The following C12orf42 variants were observed in gnomAD, a reference collection of about 807,000 sequenced individuals.
C12orf42 encodes chromosome 12 open reading frame 42.
Under a neutral mutation model 21.6 loss-of-function variants are expected in C12orf42, and 25 were observed. The ratio of observed to expected loss-of-function variants is 1.16; its 90% CI spans 0.84 to 1.62. The LOEUF (loss-of-function observed/expected upper bound fraction) is 1.62. Among genes scored for constraint, C12orf42 ranks in the 40% most tolerant of loss-of-function variants. C12orf42 has a pLI of 0.00. For missense variants in C12orf42, 483 were observed against 459.3 expected, an observed-to-expected ratio of 1.05 and a Z score of -0.47; for synonymous variants, 174 against 175.0, an observed-to-expected ratio of 0.99 and a Z score of 0.05.
At chr12:103,292,619 G>A (rs932100109) in intron 4 of C12orf42, among the ~76,000 whole-genome samples, 1 of 151,930 alleles carries the variant, frequency 6.6e-6, no homozygotes. Flanking sequence ...ACACCACTTG[G>A]TGATGTTACT....
the C12orf42 span, among the ~76,000 whole-genome samples, chr12:103,522,621 C>A: frequency 6.6e-6 from 1 of 152,138 alleles, no homozygotes; most frequent in African/African-American, 2.4e-5. Flanking sequence ...TTTTAGAATG[C>A]CCCCCTCTTT....
the C12orf42 span, among the ~76,000 whole-genome samples, chr12:103,563,305 C>G: frequency 6.6e-6 from 1 of 152,154 alleles, no homozygotes; most frequent in South Asian, 2.1e-4. Context: ...TTGTCAATTA[C>G]CATGATATGC....
rs780653238 is a variant in C12orf42 at position 103,306,300 on chromosome 12, A to G, written c.305T>C (p.Leu102Pro). The G allele has an allele frequency of 1.2e-6, 2 of 1,613,172 alleles. No homozygotes were observed. Among genetic ancestry groups the G allele is most frequent in the South Asian group, 1.1e-5 (1 of 90,906 alleles). The part of the protein sequence containing the change: ...TQNSMACKRL[L>P]HTCQYIVPRC... ...GGGGACTATGTACTGGCAAGTATGA[A>G]GTAGTCTTTTACACGCCATTGAATT... Residue 102 changes from leucine (L) to proline (P), a missense_variant, in exon 5 of 6, where the codon CTT (leucine) becomes CCT (proline). Transcript: ENST00000548883.
intron 4 of C12orf42, among the ~76,000 whole-genome samples, chr12:103,341,197 T>G (rs2042142577): frequency 2.0e-5 from 3 of 150,836 alleles, no homozygotes; most frequent in Admixed American, 6.6e-5. Flanking sequence ...TTTAAAAAAT[T>G]TAAAAATATT....
the C12orf42 span, among the ~76,000 whole-genome samples, chr12:103,056,667 TTGAG>T: frequency 1.4e-4 from 22 of 152,158 alleles, no homozygotes; most frequent in South Asian, 4.1e-4. Context: ...TCTGTTCTGA[TTGAG>T]TGTTTTTTAT....
intron 2 of C12orf42, among the ~76,000 whole-genome samples, chr12:103,439,951 A>T (rs1483957208): frequency 2.7e-5 from 4 of 150,052 alleles, no homozygotes; most frequent in Admixed American, 6.7e-5. Context: ...ATAAAGACAC[A>T]TGCACACGTA....
chr12:103,146,612 A>AAAGAAAGAAAGAAAGAAAG, the C12orf42 span, among the ~76,000 whole-genome samples: 11 of 116,798 alleles, frequency 9.4e-5, no homozygotes, highest in South Asian at 3.0e-4. Flanking sequence ...AAGAAAGAAA[A>AAAGAAAGAAAGAAAGAAAG]AGAAAAGTAA....
intron 5 of C12orf42, among the ~76,000 whole-genome samples, chr12:103,272,601 ACCT>A (rs1216926840): frequency 6.6e-6 from 1 of 152,180 alleles, no homozygotes; most frequent in African/African-American, 2.4e-5. Flanking sequence ...TCCCTCTGAC[ACCT>A]GATACAGAGA....
the C12orf42 span, among the ~76,000 whole-genome samples, chr12:103,053,256 C>T: frequency 2.0e-5 from 3 of 151,734 alleles, no homozygotes; most frequent in Non-Finnish European, 2.9e-5. Flanking sequence ...ATGCAGTTTT[C>T]CCCAGTGATA....
the C12orf42 span, chr12:103,164,663 C>T: frequency 1.1e-5 from 5 of 448,456 alleles, no homozygotes; most frequent in Non-Finnish European, 2.2e-5. Context: ...GTCTGTGTTA[C>T]TTTTGTAAAC....
chr12:103,373,303 G>A (rs1425606153), intron 3 of C12orf42, among the ~76,000 whole-genome samples: 2 of 152,138 alleles, frequency 1.3e-5, no homozygotes, highest in East Asian at 3.8e-4. Context: ...AATGCCAAGT[G>A]GCCTCGTGTG....
chr12:103,447,480 C>T (rs1321155197), intron 2 of C12orf42, among the ~76,000 whole-genome samples: 5 of 151,892 alleles, frequency 3.3e-5, no homozygotes, highest in Non-Finnish European at 7.4e-5. Context: ...GGCATCCAAA[C>T]TGGTAAAAAG....
At chr12:103,563,389 C>G in the C12orf42 span, among the ~76,000 whole-genome samples, 2 of 152,182 alleles carry the variant, frequency 1.3e-5, no homozygotes, top group African/African-American at 4.8e-5. Flanking sequence ...GCACAATAAA[C>G]AAGCCTAGCA....
intron 4 of C12orf42, among the ~76,000 whole-genome samples, chr12:103,324,863 C>T (rs1400076030): frequency 6.6e-6 from 1 of 152,134 alleles, no homozygotes; most frequent in Non-Finnish European, 1.5e-5. Context: ...ATTCCAATGA[C>T]CTAACATGGA....
chr12:103,087,846 T>C, the C12orf42 span, among the ~76,000 whole-genome samples: 1 of 152,256 alleles, frequency 6.6e-6, no homozygotes, highest in Non-Finnish European at 1.5e-5. Flanking sequence ...GTTTAATGGA[T>C]AGTCTCAAAT....
chr12:103,294,598 AAG>A (rs1419862898), intron 4 of C12orf42, among the ~76,000 whole-genome samples: 1 of 138,936 alleles, frequency 7.2e-6, no homozygotes, highest in Non-Finnish European at 1.5e-5. Flanking sequence ...GAAAGAAAGA[AAG>A]AAAGAAAGAA....
chr12:103,145,303 A>G, the C12orf42 span, among the ~76,000 whole-genome samples: 1 of 152,304 alleles, frequency 6.6e-6, no homozygotes, highest in South Asian at 2.1e-4. Context: ...TTCTAGTTCC[A>G]GTTCCAGTTC....
At chr12:103,287,526 A>G (rs1459488900) in intron 4 of C12orf42, among the ~76,000 whole-genome samples, 1 of 152,064 alleles carries the variant, frequency 6.6e-6, no homozygotes, top group Non-Finnish European at 1.5e-5. Context: ...GGACACAGGA[A>G]GGGGAACATC....
chr12:103,119,424 A>G, the C12orf42 span, among the ~76,000 whole-genome samples: 4 of 152,174 alleles, frequency 2.6e-5, no homozygotes, highest in East Asian at 7.7e-4. Context: ...GAGTTGGAGC[A>G]CATCCACTAA....
Sources: gnomAD v4.1 joint callset for allele counts (sites outside exome capture counted in the v4.1 genomes callset) on GRCh38, gnomAD v4.1.1 for gene constraint, MANE v1.5 for transcripts, NCBI Gene and HGNC (gene_info 2026-07-23, HGNC 2026-07-21) for gene names.